PFKM: variants seen among roughly 807,000 people sequenced by gnomAD.
The protein encoded by PFKM is ATP-dependent 6-phosphofructokinase, muscle type.
PFKM carries 58 observed loss-of-function variants against 95.5 expected under a neutral mutation model. The ratio of observed to expected loss-of-function variants is 0.61; its 90% CI spans 0.49 to 0.76. The LOEUF (loss-of-function observed/expected upper bound fraction) is 0.76. Ranked by LOEUF, PFKM falls within the 30% of genes least tolerant of loss-of-function variation. PFKM has a pLI of 0.00. For synonymous variants in PFKM, 336 were observed against 357.2 expected, an observed-to-expected ratio of 0.94 and a Z score of 0.67; for missense variants, 678 against 1,005.4, an observed-to-expected ratio of 0.67 and a Z score of 4.40.
chr12:48,136,298 T>C (rs149907778), intron 10 of PFKM, among the ~76,000 whole-genome samples: 37 of 152,348 alleles, frequency 2.4e-4, no homozygotes, highest in South Asian at 8.3e-4. Flanking sequence ...CCCTTTAGGA[T>C]TGGCTTTTTT....
At chr12:48,144,247 C>A in intron 20 of PFKM, 90 bp downstream of exon 20, 1 of 858,254 alleles carries the variant, frequency 1.2e-6, no homozygotes, top group Non-Finnish European at 2.0e-6. Flanking sequence ...CTTCCACTGG[C>A]CTTTTCCAGT....
chr12:48,133,958 C>T, intron 6 of PFKM, among the ~76,000 whole-genome samples: 1 of 152,112 alleles, frequency 6.6e-6, no homozygotes, highest in East Asian at 1.9e-4. Flanking sequence ...CCCTTCACTT[C>T]TTATCCTTTC....
intron 3 of PFKM, among the ~76,000 whole-genome samples, chr12:48,113,728 C>T (rs113609744): frequency 4.7e-4 from 70 of 149,004 alleles, no homozygotes; most frequent in South Asian, 1.1e-3. Flanking sequence ...CTCAGAAATA[C>T]GTTGCCTCTA....
intron 2 of PFKM, among the ~76,000 whole-genome samples, chr12:48,126,293 G>T (rs983790408): frequency 2.0e-5 from 3 of 152,194 alleles, no homozygotes; most frequent in African/African-American, 7.2e-5. Context: ...AATTACCGGG[G>T]CTCCTTAATA....
At chr12:48,112,867 C>T (rs997101411) in intron 3 of PFKM, among the ~76,000 whole-genome samples, 2 of 151,716 alleles carry the variant, frequency 1.3e-5, no homozygotes, top group African/African-American at 2.4e-5. Context: ...AAGTGTGCTG[C>T]GGGATGGGAT....
chr12:48,107,573 T>C (rs1022822193), intron 2 of PFKM: 3 of 687,082 alleles, frequency 4.4e-6, no homozygotes, highest in African/African-American at 3.6e-5. Context: ...CAACTGACCT[T>C]GTTTATCACA....
chr12:48,118,715 A>G, upstream of PFKM: 1 of 621,230 alleles, frequency 1.6e-6, no homozygotes, highest in Non-Finnish European at 2.9e-6. Flanking sequence ...TCCCCACTGC[A>G]GGCTTGAGAA....
chr12:48,106,735 G>A (rs1279324810), intron 1 of PFKM, among the ~76,000 whole-genome samples: 1 of 151,296 alleles, frequency 6.6e-6, no homozygotes, highest in Non-Finnish European at 1.5e-5. Flanking sequence ...AGCAACTTGA[G>A]GACGGATTAG....
chr12:48,143,790 C>T lies in PFKM; in HGVS notation c.1856C>T (p.Thr619Ile). The T allele has an allele frequency of 6.2e-7, 1 of 1,613,154 alleles. No individual in the cohort carries two copies. The highest frequency in any genetic ancestry group is 8.5e-7 in the Non-Finnish European group (1 of 1,179,110). The change falls in exon 19 of 23, where the codon ACT becomes ATT. Residue 619 changes from threonine (T) to isoleucine (I), a missense_variant. Transcript: ENST00000359794. ...VEHLVQKMKT[T>I]VKRGLVLRNE... ...CATCTGGTGCAAAAGATGAAAACAA[C>T]TGTGAAAAGGGGCTTGGTGTTAAGG...
rs753735422 is a variant in PFKM, at chr12:48,145,324, A to G, written c.2198+9A>G. 3.7e-6 allele frequency: 6 copies of G among 1,601,560 alleles called. No individual in the cohort carries two copies. The highest frequency in any genetic ancestry group is 5.1e-6 in the Non-Finnish European group (6 of 1,168,822). ...GACCAGACAGATTTTGAGTGAGTAC[A>G]TCTGCTTCCTGGAGTGGTTCTTTTC... On this transcript the variant is annotated intron_variant, in intron 22 of 22. Coordinates refer to ENST00000359794, the MANE Select transcript of PFKM (RefSeq NM_000289.6). This position sits in a 1 kb window ranked among gnomAD's most constrained non-coding sequence, Gnocchi z 4.3.
intron 1 of PFKM, chr12:48,106,316 G>T (rs1048114132): frequency 1.9e-5 from 11 of 584,066 alleles, no homozygotes; most frequent in Non-Finnish European, 3.0e-5. Flanking sequence ...AATACTGTTA[G>T]TGAGCCCTTC....
chr12:48,126,610 CCTGGGT>C, intron 2 of PFKM, among the ~76,000 whole-genome samples: 1 of 152,098 alleles, frequency 6.6e-6, no homozygotes. Flanking sequence ...CTCTCTTAAC[CCTGGGT>C]ATACCAACAG....
In PFKM at chr12:48,134,226, T is replaced by C; in HGVS notation, c.594-6T>C. 6.2e-7 allele frequency: 1 copy of C among 1,612,410 alleles called. No homozygotes were observed. Among genetic ancestry groups the C allele is most frequent in the Non-Finnish European group, 8.5e-7 (1 of 1,178,594 alleles). On this transcript the variant is annotated splice_region_variant and splice_polypyrimidine_tract_variant and intron_variant, in intron 6 of 22. Coordinates refer to ENST00000359794, the MANE Select transcript of PFKM (RefSeq NM_000289.6). Reference sequence around the variant, plus strand: ...TTGGACTGTGTCATATGTCTATCTCTTGCAGCCACCAGAGGACATTTGTGT... The same window carrying C: ...TTGGACTGTGTCATATGTCTATCTCCTGCAGCCACCAGAGGACATTTGTGT...
chr12:48,105,752 C>T, upstream of PFKM: 3 of 544,974 alleles, frequency 5.5e-6, no homozygotes, highest in South Asian at 4.1e-5. Flanking sequence ...CCTGCTGTAA[C>T]GGCAGGGAGA....
intron 14 of PFKM, 74 bp from the exon 15 acceptor site, chr12:48,141,237 A>G (rs1950553817): frequency 7.3e-7 from 1 of 1,366,024 alleles, no homozygotes; most frequent in African/African-American, 1.4e-5. Flanking sequence ...TTAGAACTCA[A>G]GCAGTGGCAC....
chr12:48,133,928 A>G lies in PFKM; in HGVS notation c.594-304A>G, dbSNP rs1410990489. 3.3e-5 allele frequency among the ~76,000 whole-genome samples: 5 copies of G among 152,218 alleles called. No individual in the cohort carries two copies. In the East Asian group the frequency reaches 9.7e-4, roughly 29 times the overall value. On this transcript the variant is annotated intron_variant, in intron 6 of 22. Coordinates refer to ENST00000359794, the MANE Select transcript of PFKM (RefSeq NM_000289.6). ...GTTTACCCCAGGGTAATCCTAAAGG[A>G]TTCCAGTTAGTCCAATTCTCCCTTC... is the stretch of plus-strand genomic sequence containing the variant.
At chr12:48,105,504 T>G, upstream of PFKM, 1 of 519,090 alleles carries the variant, frequency 1.9e-6, no homozygotes, top group Non-Finnish European at 3.8e-6. Flanking sequence ...GCACTAGCGA[T>G]ATCACATCTC....
intron 2 of PFKM, among the ~76,000 whole-genome samples, chr12:48,126,410 C>T (rs1948840024): frequency 6.6e-6 from 1 of 152,164 alleles, no homozygotes; most frequent in African/African-American, 2.4e-5. Flanking sequence ...TCTAGGAAAA[C>T]ACTCAGATAT....
intron 2 of PFKM, among the ~76,000 whole-genome samples, chr12:48,128,904 C>T (rs978084115): frequency 1.3e-5 from 2 of 152,144 alleles, no homozygotes; most frequent in Admixed American, 6.5e-5. Context: ...TCTTAAGATT[C>T]CCTGTGCATC....
Sources: gnomAD v4.1 joint callset for allele counts (sites outside exome capture counted in the v4.1 genomes callset) on GRCh38, gnomAD v4.1.1 for gene constraint, Gnocchi (gnomAD v3.1) non-coding constraint, MANE v1.5 for transcripts, NCBI Gene and HGNC (gene_info 2026-07-23, HGNC 2026-07-21) for gene names.